The following PAPPA2 variants were observed in gnomAD, a reference collection of about 807,000 sequenced individuals.
The protein encoded by PAPPA2 is pappalysin-2.
In PAPPA2, 86 loss-of-function variants were observed where a neutral mutation model predicts 176.4. The observed-to-expected ratio is 0.49, with a 90% CI of 0.41 to 0.58. PAPPA2 has a LOEUF of 0.58. Ranked by LOEUF, PAPPA2 falls within the 20% of genes least tolerant of loss-of-function variation. PAPPA2 has a pLI of 0.00. For missense variants in PAPPA2, 2,073 were observed against 2,256.9 expected (o/e 0.92, Z 1.65); for synonymous variants, 809 against 852.2 (o/e 0.95, Z 0.88).
intron 2 of PAPPA2, among the ~76,000 whole-genome samples, chr1:176,592,837 C>T (rs941531392): frequency 7.2e-5 from 11 of 152,192 alleles, no homozygotes; most frequent in African/African-American, 1.7e-4. Context: ...ATTAAAGCTA[C>T]TTACTGCTTA....
intron 8 of PAPPA2, among the ~76,000 whole-genome samples, chr1:176,701,109 G>A (rs1190260661): frequency 6.6e-6 from 1 of 151,378 alleles, no homozygotes; most frequent in East Asian, 1.9e-4. Context: ...TCATTTTGTA[G>A]ATGAAAAATC....
intron 1 of PAPPA2, among the ~76,000 whole-genome samples, chr1:176,502,549 C>T (rs1648025642): frequency 6.6e-6 from 1 of 152,136 alleles, no homozygotes; most frequent in Admixed American, 6.6e-5. Context: ...TTGCTCCACC[C>T]TTGAACAACT....
chr1:176,679,905 G>C (rs1453455712), intron 4 of PAPPA2, among the ~76,000 whole-genome samples: 1 of 152,170 alleles, frequency 6.6e-6, no homozygotes, highest in Admixed American at 6.6e-5. Flanking sequence ...GCCCACTATA[G>C]ATCTCTAAAC....
At chr1:176,635,618 T>C (rs1343924975) in intron 3 of PAPPA2, among the ~76,000 whole-genome samples, 1 of 152,142 alleles carries the variant, frequency 6.6e-6, no homozygotes, top group Non-Finnish European at 1.5e-5. Flanking sequence ...TTTTCTCCTC[T>C]CTTAATTTCT....
intron 1 of PAPPA2, among the ~76,000 whole-genome samples, chr1:176,513,009 T>C (rs911408611): frequency 3.3e-5 from 5 of 152,128 alleles, no homozygotes; most frequent in African/African-American, 1.2e-4. Flanking sequence ...CTGTGAAGGA[T>C]TACATGAAGG....
chr1:176,669,200 A>G (rs1434515183), intron 3 of PAPPA2, among the ~76,000 whole-genome samples: 1 of 152,208 alleles, frequency 6.6e-6, no homozygotes, highest in African/African-American at 2.4e-5. Context: ...GAATAGCAAC[A>G]GAGAAAGGAT....
chr1:176,787,436 A>G (rs553673681), intron 17 of PAPPA2, among the ~76,000 whole-genome samples: 2 of 152,094 alleles, frequency 1.3e-5, no homozygotes, highest in East Asian at 2.0e-4. Context: ...GGGTTTTGCC[A>G]TGTTGCCCAG....
intron 2 of PAPPA2, among the ~76,000 whole-genome samples, chr1:176,561,791 G>A (rs1651689941): frequency 6.6e-6 from 1 of 152,110 alleles, no homozygotes; most frequent in Admixed American, 6.5e-5. Context: ...TCAAGCTGCT[G>A]ATAAAGACAT....
intron 21 of PAPPA2, among the ~76,000 whole-genome samples, chr1:176,813,283 A>G (rs561119879): frequency 6.6e-6 from 1 of 152,132 alleles, no homozygotes; most frequent in African/African-American, 2.4e-5. Context: ...ATAGAATGAC[A>G]TATTTTTCTG....
intron 3 of PAPPA2, among the ~76,000 whole-genome samples, chr1:176,640,349 C>T (rs1296231637): frequency 2.6e-5 from 3 of 117,534 alleles, no homozygotes; most frequent in African/African-American, 6.3e-5. Context: ...CCCCTCCCCC[C>T]ACCCCACAAC....
At chr1:176,641,545 C>A (rs1302699432) in intron 3 of PAPPA2, among the ~76,000 whole-genome samples, 1 of 151,698 alleles carries the variant, frequency 6.6e-6, no homozygotes, top group Non-Finnish European at 1.5e-5. Context: ...TTCCATTGAT[C>A]TATATCTCTG....
At chr1:176,752,190 G>T (rs1407452712) in intron 14 of PAPPA2, among the ~76,000 whole-genome samples, 3 of 133,438 alleles carry the variant, frequency 2.2e-5, no homozygotes, top group African/African-American at 5.7e-5. Context: ...GGGGGACTGT[G>T]GTGGGGTCGG....
chr1:176,775,739 T>C (rs1664430601), intron 17 of PAPPA2, among the ~76,000 whole-genome samples: 1 of 152,164 alleles, frequency 6.6e-6, no homozygotes, highest in African/African-American at 2.4e-5. Flanking sequence ...GTCGCTACCA[T>C]GTACAGCCAA....
At chr1:176,803,342 A>C (rs944410487) in intron 21 of PAPPA2, among the ~76,000 whole-genome samples, 10 of 152,232 alleles carry the variant, frequency 6.6e-5, no homozygotes, top group African/African-American at 1.7e-4. Flanking sequence ...TTAAGCTATT[A>C]GCCACTTCGT....
intron 21 of PAPPA2, among the ~76,000 whole-genome samples, chr1:176,819,547 C>T (rs1331255061): frequency 2.0e-5 from 3 of 152,302 alleles, no homozygotes; most frequent in African/African-American, 7.2e-5. Context: ...CCTTGCTTGA[C>T]ATATACAGTT....
intron 3 of PAPPA2, among the ~76,000 whole-genome samples, chr1:176,595,949 G>A (rs894881980): frequency 6.6e-6 from 1 of 152,168 alleles, no homozygotes; most frequent in Non-Finnish European, 1.5e-5. Flanking sequence ...GAACAAACAA[G>A]GCATCCAGGC....
chr1:176,486,429 G>A (rs1652647037), intron 1 of PAPPA2, among the ~76,000 whole-genome samples: 1 of 152,204 alleles, frequency 6.6e-6, no homozygotes, highest in Non-Finnish European at 1.5e-5. Flanking sequence ...TAGTAAGGAT[G>A]CTTAGACAGG....
chr1:176,719,158 C>G (rs186256385), intron 12 of PAPPA2, among the ~76,000 whole-genome samples: 1 of 151,510 alleles, frequency 6.6e-6, no homozygotes, highest in African/African-American at 2.4e-5. Flanking sequence ...TTGAAACCTG[C>G]AACCTTAATA....
intron 21 of PAPPA2, among the ~76,000 whole-genome samples, chr1:176,807,497 C>CTTTTTTTT (rs1156629514): frequency 1.5e-5 from 2 of 137,774 alleles, no homozygotes. Context: ...TTCTTTCTTT[C>CTTTTTTTT]TTTTTTTTTT....
Sources: gnomAD v4.1 joint callset for allele counts (sites outside exome capture counted in the v4.1 genomes callset) on GRCh38, gnomAD v4.1.1 for gene constraint, MANE v1.5 for transcripts, NCBI Gene and HGNC (gene_info 2026-07-23, HGNC 2026-07-21) for gene names.